The following CNGB1 variants were observed in gnomAD, a reference collection of about 807,000 sequenced individuals.
CNGB1 encodes the protein cyclic nucleotide-gated channel beta-1.
A neutral mutation model predicts 151.7 loss-of-function variants in CNGB1; 126 were observed. The ratio of observed to expected loss-of-function variants is 0.83; its 90% confidence interval spans 0.72 to 0.96. The LOEUF is 0.96. CNGB1 is among the 40% of genes least tolerant of loss of function. CNGB1 has a pLI of 0.00. For synonymous variants in CNGB1, 623 were observed against 635.1 expected, an observed-to-expected ratio of 0.98 and a Z score of 0.29; for missense variants, 1,698 against 1,627.0, an observed-to-expected ratio of 1.04 and a Z score of -0.75.
chr16:57,903,839 T>A lies in CNGB1; in HGVS notation c.2777A>T (p.His926Leu). 1 of 1,614,082 alleles carries A rather than the reference T, an allele frequency of 6.2e-7. No homozygotes were observed. The highest frequency in any genetic ancestry group is 8.5e-7 in the Non-Finnish European group (1 of 1,180,032). ...CATCTTACCCAGCATGCCTTGCGAG[T>A]GCCAGGTGTACTCGTACCAGGTCTT... ...RVKTWYEYTW[H>L]SQGMLDESEL... The change falls in exon 27 of 33, where the codon CAC becomes CTC. Residue 926 changes from histidine to leucine, a missense_variant. His to Leu is a moderately conservative substitution (Grantham distance 99). Coordinates refer to ENST00000251102, the MANE Select transcript of CNGB1 (RefSeq NM_001297.5).
intron 10 of CNGB1, 31 bp downstream of exon 10, chr16:57,959,857 G>T: frequency 6.8e-7 from 1 of 1,479,984 alleles, no homozygotes; most frequent in Non-Finnish European, 9.0e-7. Flanking sequence ...CCTGCTCCCT[G>T]GTGGGAGGCG....
At position 57,917,390 on chromosome 16, in the gene CNGB1, A is replaced by T. The variant is rs765153513; in HGVS notation, c.2044T>A (p.Tyr682Asn). 6.2e-7 allele frequency: 1 copy of T among 1,614,134 alleles called. No homozygotes were observed. Among genetic ancestry groups the T allele is most frequent in the South Asian group, 1.1e-5 (1 of 91,078 alleles). The change falls in exon 21 of 33, where the codon TAC becomes AAC. Residue 682 changes from tyrosine to asparagine, a missense_variant. Physicochemically the swap from Tyr to Asn is moderately radical, Grantham distance 143 (BLOSUM62 -2). Coordinates refer to ENST00000251102, the MANE Select transcript of CNGB1 (RefSeq NM_001297.5). Reference sequence around the variant, plus strand: ...TGGTGGATGTTGTCCGGGGTCTGGTAGGGGAAGGCCCAGCGCACGGGAATC... The same window carrying T: ...TGGTGGATGTTGTCCGGGGTCTGGTTGGGGAAGGCCCAGCGCACGGGAATC... The part of the protein sequence containing the change: ...WLIPVRWAFP[Y>N]QTPDNIHHWL...
chr16:57,884,361 G>C lies in CNGB1; in HGVS notation c.3559C>G (p.Arg1187Gly), dbSNP rs564918974. Residue 1187 changes from arginine to glycine, a missense_variant, in exon 33 of 33, where the codon CGG (arginine) becomes GGG (glycine). By Grantham distance (125) the Arg-to-Gly change is moderately radical. Transcript: ENST00000251102. The part of the protein sequence containing the change: ...KEAATDPPAP[R>G]TPPEPPGSPP... Reference sequence around the variant, plus strand: ...GACCCCGGGGGCTCGGGGGGCGTCCGGGGCGCGGGTGGGTCGGTGGCGGCC... The same window carrying C: ...GACCCCGGGGGCTCGGGGGGCGTCCCGGGCGCGGGTGGGTCGGTGGCGGCC... 1.2e-6 allele frequency: 2 copies of C among 1,610,918 alleles called. No homozygotes were observed. The highest frequency in any genetic ancestry group is 1.7e-6 in the Non-Finnish European group (2 of 1,179,024).
In CNGB1 at chr16:57,960,884, G is replaced by A; in HGVS notation, c.490C>T (p.Gln164Ter). Reference protein sequence around the residue: ...PGLRLLLWLEQNLERVLPQPP... With the variant: ...PGLRLLLWLE Reference sequence around the variant, plus strand: ...TGAGGAAGCACTCTTTCCAGATTCTGCTCCAGCCACAGAAGCAGCCGCAGC... The same window carrying A: ...TGAGGAAGCACTCTTTCCAGATTCTACTCCAGCCACAGAAGCAGCCGCAGC... The change falls in exon 8 of 33, where the codon CAG becomes TAG. Residue 164 changes from glutamine to a stop codon, truncating the protein, a stop_gained. Coordinates refer to ENST00000251102, the MANE Select transcript of CNGB1 (RefSeq NM_001297.5). LOFTEE classifies it high-confidence loss of function. 1.2e-6 allele frequency: 2 copies of A among 1,614,030 alleles called. No individual in the cohort carries two copies. The highest frequency in any genetic ancestry group is 1.7e-6 in the Non-Finnish European group (2 of 1,179,986).
intron 31 of CNGB1, 41 bp from the exon 32 acceptor site, chr16:57,888,115 T>G (rs1285103997): frequency 6.3e-7 from 1 of 1,594,732 alleles, no homozygotes; most frequent in South Asian, 1.1e-5. Context: ...AGACGCACTC[T>G]GGGGGAAAAG....
rs543712958 is a variant in CNGB1 at position 57,884,360 on chromosome 16, C to G, written c.3560G>C (p.Arg1187Pro). 1 of 1,610,228 alleles carries G rather than the reference C, an allele frequency of 6.2e-7. No individual in the cohort carries two copies. Among genetic ancestry groups the G allele is most frequent in the South Asian group, 1.1e-5 (1 of 90,892 alleles). The change falls in exon 33 of 33, where the codon CGG (arginine) becomes CCG (proline). Residue 1187 changes from arginine (R) to proline (P), a missense_variant. Transcript: ENST00000251102. ...KEAATDPPAP[R>P]TPPEPPGSPP... Reference sequence around the variant, plus strand: ...AGACCCCGGGGGCTCGGGGGGCGTCCGGGGCGCGGGTGGGTCGGTGGCGGC... The same window carrying G: ...AGACCCCGGGGGCTCGGGGGGCGTCGGGGGCGCGGGTGGGTCGGTGGCGGC...
chr16:57,949,226 G>T, intron 14 of CNGB1, 127 bp downstream of exon 14: 1 of 1,548,158 alleles, frequency 6.5e-7, no homozygotes, highest in Non-Finnish European at 8.7e-7. Flanking sequence ...TTTGGTCAAA[G>T]CCCAGCCTTA....
intron 16 of CNGB1, among the ~76,000 whole-genome samples, chr16:57,938,209 A>G (rs1243090644): frequency 3.9e-5 from 6 of 152,152 alleles, no homozygotes; most frequent in African/African-American, 4.8e-5. Context: ...AACCCACCCC[A>G]CTGAACCAAG....
At chr16:57,956,868 T>C (rs1962099867) in intron 12 of CNGB1, among the ~76,000 whole-genome samples, 2 of 152,148 alleles carry the variant, frequency 1.3e-5, no homozygotes. Flanking sequence ...ATAAAGGGCA[T>C]CATATGCCTC....
intron 17 of CNGB1, among the ~76,000 whole-genome samples, chr16:57,927,627 C>T (rs557312313): frequency 5.3e-5 from 8 of 152,342 alleles, no homozygotes; most frequent in African/African-American, 1.9e-4. Flanking sequence ...TACATGCTTG[C>T]GAATGCATGA....
At chr16:57,902,390 A>G (rs1960415868) in intron 27 of CNGB1, among the ~76,000 whole-genome samples, 1 of 151,930 alleles carries the variant, frequency 6.6e-6, no homozygotes. Flanking sequence ...ACTTTTTAAT[A>G]GAATGTTTTA....
intron 32 of CNGB1, among the ~76,000 whole-genome samples, chr16:57,885,440 C>A (rs1386255508): frequency 1.3e-5 from 2 of 151,716 alleles, no homozygotes; most frequent in Non-Finnish European, 2.9e-5. Context: ...GTTTTGGTGC[C>A]CCTGTCCCAC....
chr16:57,952,363 G>A (rs1409413808), intron 12 of CNGB1, among the ~76,000 whole-genome samples: 1 of 152,112 alleles, frequency 6.6e-6, no homozygotes, highest in Admixed American at 6.5e-5. Flanking sequence ...TGGCATCAGT[G>A]GCCACTCCTT....
rs1344522272 is a variant in CNGB1 at position 57,903,910 on chromosome 16, C to T, written c.2706G>A (p.Lys902=). 1 of 1,614,164 alleles carries T rather than the reference C, an allele frequency of 6.2e-7. No individual in the cohort carries two copies. Among genetic ancestry groups the T allele is most frequent in the Non-Finnish European group, 8.5e-7 (1 of 1,180,030 alleles). The change falls in exon 27 of 33, where the codon AAG becomes AAA. Residue 902 remains lysine (K), a synonymous_variant. Coordinates refer to ENST00000251102, the MANE Select transcript of CNGB1 (RefSeq NM_001297.5). ...YYRSCMDSTV[K]YMNFYKIPKS... ...TGGGGATCTTGTAGAAATTCATGTACTTCACCGTGCTGTCCATGCAGCTGC... is the reference window on the plus strand; with the variant it reads ...TGGGGATCTTGTAGAAATTCATGTATTTCACCGTGCTGTCCATGCAGCTGC...
At position 57,900,298 on chromosome 16, in the gene CNGB1, A is replaced by AC. The variant is rs546601427; in HGVS notation, c.2976+1053dup. On this transcript the variant is annotated intron_variant, in intron 29 of 32. Transcript: ENST00000251102. ...TCTGAAGCATACTTTTCCCCTCTTC[A>AC]CCCCGGCTCTCTGCTTCCAGAAATT... 4.1e-4 allele frequency among the ~76,000 whole-genome samples: 63 copies of AC among 151,926 alleles called. 1 individual carries two copies. The East Asian group carries it at 0.011, about 26-fold the overall frequency.
At chr16:57,932,218 C>T (rs1321947099) in intron 16 of CNGB1, among the ~76,000 whole-genome samples, 2 of 152,134 alleles carry the variant, frequency 1.3e-5, no homozygotes, top group East Asian at 3.9e-4. Flanking sequence ...AGAGCTGAGG[C>T]AGTGGCAGCC....
intron 31 of CNGB1, 146 bp downstream of exon 31, chr16:57,897,251 A>C: frequency 1.2e-6 from 1 of 840,282 alleles, no homozygotes; most frequent in Non-Finnish European, 1.8e-6. Context: ...GTAGTGAGTC[A>C]TGATCACTCC....
In CNGB1 at chr16:57,884,420, G is replaced by A; in HGVS notation, c.3500C>T (p.Ser1167Phe). 6.2e-7 allele frequency: 1 copy of A among 1,613,594 alleles called. No individual in the cohort carries two copies. The highest frequency in any genetic ancestry group is 8.5e-7 in the Non-Finnish European group (1 of 1,179,918). The change falls in exon 33 of 33, where the codon TCC (serine) becomes TTC (phenylalanine). Residue 1167 changes from serine to phenylalanine, a missense_variant. Ser to Phe is a radical substitution (Grantham distance 155). Coordinates refer to ENST00000251102, the MANE Select transcript of CNGB1 (RefSeq NM_001297.5). The stretch of plus-strand genomic sequence containing the variant: ...GTGCGTGTGCTGGTCTGGGGCGGCG[G>A]AGCCTTCCTCTCCCTTGACGTCTTG... ...SSQDVKGEEG[S>F]AAPDQHTHPK...
chr16:57,950,648 T>A, intron 12 of CNGB1, 108 bp from the exon 13 acceptor site: 1 of 1,145,908 alleles, frequency 8.7e-7, no homozygotes, highest in Non-Finnish European at 1.3e-6. Flanking sequence ...CAGCAGTGCC[T>A]CAGTGCTTAG....
Sources: allele counts gnomAD v4.1 joint callset (sites outside exome capture counted in the v4.1 genomes callset), GRCh38; gene constraint gnomAD v4.1.1; transcripts MANE v1.5; gene names NCBI Gene and HGNC (gene_info 2026-07-23, HGNC 2026-07-21).